The following ZBTB48 variants were observed in gnomAD, a reference collection of about 807,000 sequenced individuals.
ZBTB48 encodes zinc finger and BTB domain-containing protein 48.
Under a neutral mutation model 64.5 loss-of-function variants are expected in ZBTB48, and 35 were observed. The observed-to-expected ratio is 0.54, with a 90% CI of 0.41 to 0.72. The LOEUF is 0.72. ZBTB48 is among the 30% of genes least tolerant of loss of function. The probability of loss-of-function intolerance (pLI) is 0.00; values close to 1 mark genes in which losing one functional copy is unlikely to be tolerated. For missense variants in ZBTB48, 828 were observed against 895.3 expected, an observed-to-expected ratio of 0.92 and a Z score of 0.96; for synonymous variants, 442 against 356.7, an observed-to-expected ratio of 1.24 and a Z score of -2.70.
intron 3 of ZBTB48, among the ~76,000 whole-genome samples, chr1:6,583,813 T>G (rs1258203321): frequency 7.7e-6 from 1 of 129,650 alleles, no homozygotes; most frequent in Admixed American, 9.0e-5. Flanking sequence ...GAGTCTCCCC[T>G]CTGTCGCCCA....
rs370862271 is a variant in ZBTB48 at position 6,588,948 on chromosome 1, C to T, written c.1803C>T (p.Asp601=). 1.0e-4 allele frequency: 169 copies of T among 1,610,530 alleles called. 1 individual carries two copies. In the South Asian group the frequency reaches 1.8e-3, roughly 17 times the overall value. ...AHLRRHMEIH[D]RVENYNPRQR... is the part of the protein sequence containing the mutation. ...TGCGGAGGCACATGGAGATCCACGA[C>T]CGGGTAGAGAACTACAACCCGCGGC... is the stretch of plus-strand genomic sequence containing the variant. The change falls in exon 11 of 11, where the codon GAC becomes GAT. Residue 601 remains aspartate (D), a synonymous_variant. Transcript: ENST00000377674.
chr1:6,581,961 A>G, intron 2 of ZBTB48, 97 bp from the exon 3 acceptor site: 1 of 1,550,516 alleles, frequency 6.4e-7, no homozygotes, highest in South Asian at 1.2e-5. Context: ...GGGACTTGTC[A>G]GGGTTGGGGC....
At chr1:6,585,105 C>T (rs1434788875) in intron 3 of ZBTB48, among the ~76,000 whole-genome samples, 4 of 151,950 alleles carry the variant, frequency 2.6e-5, no homozygotes, top group Non-Finnish European at 5.9e-5. Flanking sequence ...GAGTGGGGTT[C>T]GATTGCGATT....
At chr1:6,587,111 C>A in intron 5 of ZBTB48, 94 bp from the exon 6 acceptor site, 1 of 1,343,558 alleles carries the variant, frequency 7.4e-7, no homozygotes, top group Non-Finnish European at 1.1e-6. Flanking sequence ...CTCACCGGGG[C>A]CTCCCTCTAG....
At chr1:6,585,871 G>T in intron 3 of ZBTB48, 48 bp from the exon 4 acceptor site, 1 of 1,583,726 alleles carries the variant, frequency 6.3e-7, no homozygotes, top group Non-Finnish European at 8.7e-7. Flanking sequence ...GTGAGGGAGA[G>T]ATGGGAAACC....
intron 4 of ZBTB48, 107 bp from the exon 5 acceptor site, chr1:6,586,588 T>C: frequency 3.2e-6 from 2 of 633,142 alleles, no homozygotes; most frequent in Non-Finnish European, 4.7e-6. Flanking sequence ...GTCCCCACCC[T>C]CCCCAGGCAG....
intron 4 of ZBTB48, 80 bp downstream of exon 4, chr1:6,586,110 GGAGACTGTCTGA>G: frequency 7.0e-7 from 1 of 1,418,532 alleles, no homozygotes; most frequent in Non-Finnish European, 1.0e-6. Context: ...AAGGGCCCCA[GGAGACTGTCTGA>G]GAGGGGTACT....
rs768860916 is a variant in ZBTB48 at position 6,580,284 on chromosome 1, G to A, written c.-70+148G>A. 6 of 302,496 alleles carry A rather than the reference G, an allele frequency of 2.0e-5. No individual in the cohort carries two copies. The highest frequency in any genetic ancestry group is 3.8e-5 in the Non-Finnish European group (6 of 159,360). 18.7% of individuals were successfully genotyped at this position (302,496 alleles called of 1,614,324 possible). On this transcript the variant is annotated intron_variant, in intron 1 of 10. Coordinates refer to ENST00000377674, the MANE Select transcript of ZBTB48 (RefSeq NM_005341.4). This position sits in a 1 kb window ranked among gnomAD's most constrained non-coding sequence, Gnocchi z 5.2. ...CCGCCGTCCGGGATCCTCTCACTGT[G>A]CCGGGCCAGTCCGTTCGCTCTCATC...
rs941537343 is a variant in ZBTB48, at chr1:6,589,238, T to C, written c.*26T>C. On this transcript the variant is annotated 3_prime_UTR_variant, in exon 11 of 11. Transcript: ENST00000377674. ...CCCATTCTGGCCACCAGAGCCCACT[T>C]GGCCCCACCCCTCAATAAACCGTGT... The C allele has an allele frequency of 2.0e-6, 3 of 1,491,326 alleles. No individual in the cohort carries two copies. Among genetic ancestry groups the C allele is most frequent in the South Asian group, 1.4e-5 (1 of 73,230 alleles). The allele number at this position is 1,491,326 out of a possible 1,614,324, so 92.4% of individuals were successfully genotyped here.
At position 6,588,744 on chromosome 1, in the gene ZBTB48, T is replaced by C. The variant is rs369563469; in HGVS notation, c.1682-12T>C. On this transcript the variant is annotated splice_polypyrimidine_tract_variant and intron_variant, in intron 9 of 10. Transcript: ENST00000377674. Reference sequence around the variant, plus strand: ...TCCTGCATGATCCCCCACGGTGTTCTCCCTCTTGCAGCCGTGGAGCAACTG... The same window carrying C: ...TCCTGCATGATCCCCCACGGTGTTCCCCCTCTTGCAGCCGTGGAGCAACTG... 135 of 1,613,786 alleles carry C rather than the reference T, an allele frequency of 8.4e-5. No individual in the cohort carries two copies. Among genetic ancestry groups the C allele is most frequent in the Non-Finnish European group, 1.1e-4 (133 of 1,180,034 alleles).
chr1:6,585,637 T>G, intron 3 of ZBTB48: 1 of 420,846 alleles, frequency 2.4e-6, no homozygotes, highest in Non-Finnish European at 4.4e-6. Context: ...AAGATCTGTT[T>G]CTGCCTTCAG....
chr1:6,582,916 C>A (rs1640521671), intron 3 of ZBTB48, among the ~76,000 whole-genome samples: 1 of 152,248 alleles, frequency 6.6e-6, no homozygotes, highest in Admixed American at 6.5e-5. Context: ...TCGATCCACC[C>A]ACCCTGGCCT....
At chr1:6,582,387 TA>T in intron 3 of ZBTB48, 88 bp downstream of exon 3, 1 of 1,530,574 alleles carries the variant, frequency 6.5e-7, no homozygotes, top group African/African-American at 1.4e-5. Flanking sequence ...CTGGGTGAGG[TA>T]GGGGCTGGGG....
chr1:6,582,302 A>G lies in ZBTB48; in HGVS notation c.932+3A>G, dbSNP rs1319559051. 1.9e-6 allele frequency: 3 copies of G among 1,604,146 alleles called. No individual in the cohort carries two copies. Among genetic ancestry groups the G allele is most frequent in the South Asian group, 2.2e-5 (2 of 90,918 alleles). Reference sequence around the variant, plus strand: ...TATTATCTAAAAGTCCACAACAGGTAAACGTTCTGTTTTTCTATTTTCTTT... The same window carrying G: ...TATTATCTAAAAGTCCACAACAGGTGAACGTTCTGTTTTTCTATTTTCTTT... On this transcript the variant is annotated splice_donor_region_variant and intron_variant, in intron 3 of 10. Transcript: ENST00000377674.
In ZBTB48 at chr1:6,589,270, G is replaced by C; in HGVS notation, c.*58G>C. On this transcript the variant is annotated 3_prime_UTR_variant, in exon 11 of 11. Coordinates refer to ENST00000377674, the MANE Select transcript of ZBTB48 (RefSeq NM_005341.4). ...ACCCCTCAATAAACCGTGTGGCTTTGGACTCTCGTATTTCAGCCTGACAGT... is the reference window on the plus strand; with the variant it reads ...ACCCCTCAATAAACCGTGTGGCTTTCGACTCTCGTATTTCAGCCTGACAGT... 12 of 1,466,678 alleles carry C rather than the reference G, an allele frequency of 8.2e-6. No homozygotes were observed. The highest frequency in any genetic ancestry group is 1.1e-5 in the Non-Finnish European group (12 of 1,116,102). 90.9% of individuals were successfully genotyped at this position (1,466,678 alleles called of 1,614,324 possible). A position where few individuals can be genotyped will look rare whatever the true frequency, so the allele number is the denominator to read the frequency against.
At position 6,581,185 on chromosome 1, in the gene ZBTB48, A is replaced by G; in HGVS notation, c.576A>G (p.Lys192=). The G allele has an allele frequency of 6.2e-7, 1 of 1,613,508 alleles. No individual in the cohort carries two copies. Among genetic ancestry groups the G allele is most frequent in the Non-Finnish European group, 8.5e-7 (1 of 1,180,030 alleles). Residue 192 remains lysine (K), a synonymous_variant, in exon 2 of 11, where the codon AAA becomes AAG. Coordinates refer to ENST00000377674, the MANE Select transcript of ZBTB48 (RefSeq NM_005341.4). ...AGGGCCCCTCCTCCCTCTGTGGGAAACTGAAGCAGGCCTTGAAGCCTTGTC... is the reference window on the plus strand; with the variant it reads ...AGGGCCCCTCCTCCCTCTGTGGGAAGCTGAAGCAGGCCTTGAAGCCTTGTC... ...QSEGPSSLCG[K]LKQALKPCPL...
At position 6,580,654 on chromosome 1, in the gene ZBTB48, G is replaced by A. The variant is rs1035677717; in HGVS notation, c.45G>A (p.Glu15=). The change falls in exon 2 of 11, where the codon GAG becomes GAA. Residue 15 remains glutamate (E), a synonymous_variant. Transcript: ENST00000377674. This position sits in a 1 kb window ranked among gnomAD's most constrained non-coding sequence, Gnocchi z 5.2. ...AGCACAGTGTGAGGGTTCTGCAGGA[G>A]CTCAACAAGCAGCGGGAGAAGGGCC... ...FVQHSVRVLQ[E]LNKQREKGQY... is the part of the protein sequence containing the mutation. 1.9e-6 allele frequency: 3 copies of A among 1,614,064 alleles called. No homozygotes were observed. Among genetic ancestry groups the A allele is most frequent in the Non-Finnish European group, 1.7e-6 (2 of 1,180,024 alleles).
chr1:6,582,425 T>A, intron 3 of ZBTB48, 126 bp downstream of exon 3: 1 of 1,286,512 alleles, frequency 7.8e-7, no homozygotes, highest in Non-Finnish European at 1.1e-6. Context: ...ACATAGTGTC[T>A]GGCCTTGGTA....
At position 6,580,488 on chromosome 1, in the gene ZBTB48, AAT is replaced by A; in HGVS notation, c.-69-50_-69-49del. 9.6e-7 allele frequency: 1 copy of A among 1,044,416 alleles called. No homozygotes were observed. Among genetic ancestry groups the A allele is most frequent in the Non-Finnish European group, 1.4e-6 (1 of 726,648 alleles). The allele number at this position is 1,044,416 out of a possible 1,614,324, so 64.7% of individuals were successfully genotyped here. On this transcript the variant is annotated intron_variant, in intron 1 of 10. Transcript: ENST00000377674. This position sits in a 1 kb window ranked among gnomAD's most constrained non-coding sequence, Gnocchi z 5.2. ...CCTGACCCAAGCCCTCGTGCTGATA[AAT>A]ATGATTATTTGAGTAGAGGCCAACT...
Sources: gnomAD v4.1 joint callset for allele counts (sites outside exome capture counted in the v4.1 genomes callset) on GRCh38, gnomAD v4.1.1 for gene constraint, Gnocchi (gnomAD v3.1) non-coding constraint, MANE v1.5 for transcripts, NCBI Gene and HGNC (gene_info 2026-07-23, HGNC 2026-07-21) for gene names.